Variants in CNTN5 observed in about 807,000 individuals in gnomAD.
The protein encoded by CNTN5 is contactin 5, also known as contactin-5.
In CNTN5, 77 loss-of-function variants were observed where a neutral mutation model predicts 129.1. The observed-to-expected ratio is 0.60, with a 90% CI of 0.50 to 0.72. The LOEUF (loss-of-function observed/expected upper bound fraction) is 0.72. Ranked by LOEUF, CNTN5 falls within the 30% of genes least tolerant of loss-of-function variation. The pLI is 0.00. For missense variants in CNTN5, 1,478 were observed against 1,328.8 expected (o/e 1.11, Z -1.75); for synonymous variants, 509 against 465.6 (o/e 1.09, Z -1.20).
intron 13 of CNTN5, among the ~76,000 whole-genome samples, chr11:100,150,625 T>C (rs1022525854): frequency 2.0e-5 from 3 of 151,886 alleles, no homozygotes; most frequent in African/African-American, 7.3e-5. Context: ...ATTTTTACGG[T>C]CAGTCCTCAT....
chr11:99,251,320 A>T (rs989780075), intron 1 of CNTN5, among the ~76,000 whole-genome samples: 11 of 151,998 alleles, frequency 7.2e-5, no homozygotes, highest in African/African-American at 2.7e-4. Context: ...AAAATGATCT[A>T]ACATAAGATA....
chr11:100,279,864 T>C (rs1950595723), intron 18 of CNTN5, among the ~76,000 whole-genome samples: 1 of 151,562 alleles, frequency 6.6e-6, no homozygotes, highest in Non-Finnish European at 1.5e-5. Context: ...CTTTTCTAGT[T>C]CCTTAGGATG....
At chr11:99,509,095 AT>A (rs1413445324) in intron 2 of CNTN5, among the ~76,000 whole-genome samples, 5 of 152,230 alleles carry the variant, frequency 3.3e-5, no homozygotes, top group Non-Finnish European at 5.9e-5. Flanking sequence ...GGGGGAATAT[AT>A]CTTAGAACCA....
At chr11:99,627,592 C>G (rs17093177) in intron 3 of CNTN5, among the ~76,000 whole-genome samples, 22,078 of 151,902 alleles carry the variant, frequency 0.15, 1,843 homozygotes, top group South Asian at 0.22. Flanking sequence ...ATATGTGTCT[C>G]AGAATTAATT....
chr11:99,214,849 T>C lies in CNTN5; in HGVS notation c.-209-110497T>C, dbSNP rs1012219118. Among the ~76,000 whole-genome samples the C allele has an allele frequency of 4.6e-5, 7 of 152,128 alleles. No individual in the cohort carries two copies. The East Asian group carries it at 1.2e-3, about 25-fold the overall frequency. On this transcript the variant is annotated intron_variant, in intron 1 of 24. Transcript: ENST00000524871. Reference sequence around the variant, plus strand: ...TCCAACTCAGCTACCCTCCTGATGCTTAAATTCTCTCCACAATATTTCTGC... The same window carrying C: ...TCCAACTCAGCTACCCTCCTGATGCCTAAATTCTCTCCACAATATTTCTGC...
At chr11:99,472,234 A>G (rs1945204827) in intron 2 of CNTN5, among the ~76,000 whole-genome samples, 1 of 152,182 alleles carries the variant, frequency 6.6e-6, no homozygotes, top group Admixed American at 6.5e-5. Flanking sequence ...ATTTGCTAAA[A>G]TTATGGCTGG....
At chr11:99,555,206 C>A (rs1488965737) in intron 2 of CNTN5, among the ~76,000 whole-genome samples, 1 of 151,822 alleles carries the variant, frequency 6.6e-6, no homozygotes, top group Non-Finnish European at 1.5e-5. Flanking sequence ...TAGAGATAAC[C>A]TAGACTTCTA....
chr11:99,855,774 G>C (rs1371032899), intron 6 of CNTN5, among the ~76,000 whole-genome samples: 2 of 152,114 alleles, frequency 1.3e-5, no homozygotes, highest in Non-Finnish European at 2.9e-5. Flanking sequence ...TTTAGAGTCT[G>C]CACTCTCACA....
At chr11:99,182,786 T>C (rs796381437) in intron 1 of CNTN5, among the ~76,000 whole-genome samples, 20 of 152,318 alleles carry the variant, frequency 1.3e-4, no homozygotes, top group African/African-American at 4.6e-4. Context: ...GTAATAAAAA[T>C]CTATTACAGC....
rs1433016654 is a variant in CNTN5 at position 99,486,215 on chromosome 11, G to A, written c.-70-69930G>A. ...TCAGATATGTCTAGACCAAGTTGAT[G>A]TCTTTCATAGAGCATATCAACTTTT... On this transcript the variant is annotated intron_variant, in intron 2 of 24. Transcript: ENST00000524871. 2.6e-5 allele frequency among the ~76,000 whole-genome samples: 4 copies of A among 152,010 alleles called. No individual in the cohort carries two copies. The East Asian group carries it at 7.7e-4, about 29-fold the overall frequency.
chr11:100,251,922 G>C (rs1213903956), intron 16 of CNTN5, among the ~76,000 whole-genome samples: 2 of 151,974 alleles, frequency 1.3e-5, no homozygotes, highest in Admixed American at 1.3e-4. Flanking sequence ...CTTTTCTTTG[G>C]ATACATGCAT....
intron 1 of CNTN5, among the ~76,000 whole-genome samples, chr11:99,087,681 T>C (rs746814191): frequency 6.6e-6 from 1 of 152,232 alleles, no homozygotes; most frequent in Non-Finnish European, 1.5e-5. Flanking sequence ...ATAAATGTGG[T>C]ACCCTGTACA....
intron 21 of CNTN5, among the ~76,000 whole-genome samples, chr11:100,322,001 T>C (rs962507258): frequency 3.9e-5 from 6 of 152,072 alleles, no homozygotes; most frequent in African/African-American, 1.4e-4. Context: ...TAGATATTTT[T>C]GTGTGTGTGT....
At chr11:99,189,168 T>G (rs1301671644) in intron 1 of CNTN5, among the ~76,000 whole-genome samples, 1 of 151,670 alleles carries the variant, frequency 6.6e-6, no homozygotes, top group Non-Finnish European at 1.5e-5. Flanking sequence ...CAGGATTTCT[T>G]TCTTAGGCTT....
intron 3 of CNTN5, among the ~76,000 whole-genome samples, chr11:99,577,684 T>C (rs1452746149): frequency 6.6e-6 from 1 of 152,100 alleles, no homozygotes; most frequent in African/African-American, 2.4e-5. Flanking sequence ...TGTGGGACTA[T>C]CACAAGGTAA....
chr11:99,096,300 A>T (rs1218097516), intron 1 of CNTN5, among the ~76,000 whole-genome samples: 1 of 151,896 alleles, frequency 6.6e-6, no homozygotes, highest in African/African-American at 2.4e-5. Context: ...TGGCTATGAT[A>T]GAAAGTATTT....
chr11:100,262,489 A>G (rs1950219642), intron 17 of CNTN5, among the ~76,000 whole-genome samples: 1 of 152,210 alleles, frequency 6.6e-6, no homozygotes, highest in Admixed American at 6.5e-5. Flanking sequence ...ACACATGAAC[A>G]TGTATGTTTA....
In CNTN5 at chr11:99,082,564, T is replaced by C. The variant is rs141746380; in HGVS notation, c.-210+61294T>C. 1.2e-3 allele frequency among the ~76,000 whole-genome samples: 186 copies of C among 152,326 alleles called. 1 individual carries two copies. Among genetic ancestry groups the C allele is most frequent in the African/African-American group, 4.2e-3 (176 of 41,584 alleles). On this transcript the variant is annotated intron_variant, in intron 1 of 24. Transcript: ENST00000524871. ...CTTTTCATTTTAGTGCAAGGAATTA[T>C]GGAATCTGAGAATGAATAAATAGCA...
intron 8 of CNTN5, among the ~76,000 whole-genome samples, chr11:99,981,967 A>G (rs1490542110): frequency 1.3e-5 from 2 of 152,226 alleles, no homozygotes; most frequent in African/African-American, 2.4e-5. Flanking sequence ...AGTAGATAGG[A>G]AAAGTGTAAA....
Sources: allele counts gnomAD v4.1 joint callset (sites outside exome capture counted in the v4.1 genomes callset), GRCh38; gene constraint gnomAD v4.1.1; transcripts MANE v1.5; gene names NCBI Gene and HGNC (gene_info 2026-07-23, HGNC 2026-07-21).